The following SNRPB variants were observed in gnomAD, a reference collection of about 807,000 sequenced individuals.
SNRPB encodes small nuclear ribonucleoprotein-associated proteins B and B'.
A neutral mutation model predicts 26.6 loss-of-function variants in SNRPB; 5 were observed. That is an observed-to-expected ratio of 0.19 (90% confidence interval 0.10 to 0.39). The LOEUF (loss-of-function observed/expected upper bound fraction) is 0.39. Ranked by LOEUF, SNRPB falls within the 10% of genes least tolerant of loss-of-function variation. SNRPB has a pLI of 1.00. For synonymous variants in SNRPB, 122 were observed against 105.8 expected (o/e 1.15, Z -0.94); for missense variants, 211 against 311.9 (o/e 0.68, Z 2.44).
chr20:2,462,751 G>T lies in SNRPB; in HGVS notation c.570C>A (p.Gly190=). Residue 190 remains glycine, a synonymous_variant, in exon 6 of 7, where the codon GGC becomes GGA. Transcript: ENST00000381342. ...GRGAPPPGMM[G]PPPGMRPPMG... is the part of the protein sequence containing the mutation. Reference sequence around the variant, plus strand: ...TAGGAGGTCTCATACCAGGAGGTGGGCCCATCATGCCTGCAAGAGAAAAGC... The same window carrying T: ...TAGGAGGTCTCATACCAGGAGGTGGTCCCATCATGCCTGCAAGAGAAAAGC... 6.5e-7 allele frequency: 1 copy of T among 1,536,634 alleles called. No individual in the cohort carries two copies. Among genetic ancestry groups the T allele is most frequent in the Non-Finnish European group, 8.7e-7 (1 of 1,144,794 alleles).
chr20:2,464,824 C>G (rs1009470253), intron 3 of SNRPB, among the ~76,000 whole-genome samples: 2 of 150,740 alleles, frequency 1.3e-5, no homozygotes, highest in African/African-American at 4.9e-5. Context: ...AAGCCAAGAT[C>G]GTGCCACTGC....
intron 1 of SNRPB, 45 bp from the exon 2 acceptor site, chr20:2,467,803 C>G (rs2085084606): frequency 6.3e-7 from 1 of 1,591,718 alleles, no homozygotes; most frequent in African/African-American, 1.3e-5. Context: ...TCTTTTGGAC[C>G]CAAGCACCTC....
chr20:2,464,941 T>TGA lies in SNRPB; in HGVS notation c.267+766_267+767insTC, dbSNP rs1473726889. On this transcript the variant is annotated intron_variant, in intron 3 of 6. Coordinates refer to ENST00000381342, the MANE Select transcript of SNRPB (RefSeq NM_003091.4). Reference sequence around the variant, plus strand: ...AAGGGAAAACAAATTTGACTAGGTCTCTAAAGCCTGCTCTATTTCTATGTG... The same window carrying TGA: ...AAGGGAAAACAAATTTGACTAGGTCTGACTAAAGCCTGCTCTATTTCTATGTG... 9.4e-4 allele frequency among the ~76,000 whole-genome samples: 143 copies of TGA among 152,178 alleles called. 1 individual carries two copies. Among genetic ancestry groups the TGA allele is most frequent in the African/African-American group, 3.2e-3 (134 of 41,516 alleles).
chr20:2,470,578 C>T (rs1421849108), intron 1 of SNRPB, 110 bp downstream of exon 1: 12 of 1,411,656 alleles, frequency 8.5e-6, no homozygotes, highest in East Asian at 2.3e-5. Context: ...CGGCCCAGGC[C>T]TTCACCGCCC....
Position 2,463,877 on chromosome 20 carries a change from A to G in SNRPB, c.290T>C (p.Leu97Pro), listed in dbSNP as rs1599997142. Residue 97 changes from leucine (L) to proline (P), a missense_variant, in exon 4 of 7, where the codon CTT becomes CCT. Transcript: ENST00000381342. This position sits in a 1 kb window ranked among gnomAD's most constrained non-coding sequence, Gnocchi z 5.0. ...CCCTGGGCCCCCGGCAGCTCCAGCA[A>G]GTGGAACTCGAGCAATACCAGTCTG... The part of the protein sequence containing the change: ...PKDTGIARVP[L>P]AGAAGGPGIG... The G allele has an allele frequency of 6.2e-7, 1 of 1,613,638 alleles. No individual in the cohort carries two copies.
intron 2 of SNRPB, 169 bp downstream of exon 2, chr20:2,467,438 G>A: frequency 1.5e-6 from 1 of 662,210 alleles, no homozygotes; most frequent in Non-Finnish European, 2.6e-6. Flanking sequence ...AGGTTTGCTG[G>A]ACTCAAAAAG....
At position 2,463,749 on chromosome 20, in the gene SNRPB, GT is replaced by G; in HGVS notation, c.417del (p.Gln139HisfsTer3). 6.3e-7 allele frequency: 1 copy of G among 1,583,408 alleles called. No homozygotes were observed. The highest frequency in any genetic ancestry group is 8.6e-7 in the Non-Finnish European group (1 of 1,168,716). ...GPVRGVGGPSQQVMTPQGRGT... is the reference protein window; with the variant it reads ...GPVRGVGGPSXQVMTPQGRGT... ...GTACCCTTTCCCCAACTCCTCACCT[GT>G]TGGGATGGCCCGCCAACCCCACGGA... is the stretch of plus-strand genomic sequence containing the variant. On this transcript the variant is annotated frameshift_variant, in exon 4 of 7. Transcript: ENST00000381342. LOFTEE classifies it high-confidence loss of function. This position sits in a 1 kb window ranked among gnomAD's most constrained non-coding sequence, Gnocchi z 5.0.
chr20:2,463,698 T>C lies in SNRPB; in HGVS notation c.420+49A>G. ...TTAAAACTATGGACCCTCCCCTTTA[T>C]CCTTTATTTTAGCCACCAGGAGGTG... is the stretch of plus-strand genomic sequence containing the variant. On this transcript the variant is annotated intron_variant, in intron 4 of 6. Transcript: ENST00000381342. This position sits in a 1 kb window ranked among gnomAD's most constrained non-coding sequence, Gnocchi z 5.0. The C allele has an allele frequency of 2.1e-6, 3 of 1,402,476 alleles. No homozygotes were observed. The highest frequency in any genetic ancestry group is 1.9e-6 in the Non-Finnish European group (2 of 1,029,694). The allele number at this position is 1,402,476 out of a possible 1,614,324, so 86.9% of individuals were successfully genotyped here. A position where few individuals can be genotyped will look rare whatever the true frequency, so the allele number is the denominator to read the frequency against.
chr20:2,466,271 C>T (rs1410642024), intron 2 of SNRPB, among the ~76,000 whole-genome samples: 2 of 152,204 alleles, frequency 1.3e-5, no homozygotes, highest in Non-Finnish European at 2.9e-5. Flanking sequence ...GCCTATAATT[C>T]TGCCCCTCAT....
In SNRPB at chr20:2,467,717, G is replaced by A. The variant is rs1420859958; in HGVS notation, c.45C>T (p.Tyr15=). The A allele has an allele frequency of 6.2e-7, 1 of 1,614,082 alleles. No homozygotes were observed. Among genetic ancestry groups the A allele is most frequent in the South Asian group, 1.1e-5 (1 of 91,072 alleles). Residue 15 remains tyrosine, a synonymous_variant, in exon 2 of 7, where the codon TAC becomes TAT. Coordinates refer to ENST00000381342, the MANE Select transcript of SNRPB (RefSeq NM_003091.4). ...CGTCCTGCAGGATGCACCTCATCCT[G>A]TAATCAATATGCTGCAGCATCTTGC... The part of the protein sequence containing the change: ...KSSKMLQHID[Y]RMRCILQDGR...
rs1301144516 is a variant in SNRPB at position 2,470,719 on chromosome 20, GC to G, written c.-30del. Reference sequence around the variant, plus strand: ...GGCGGTTCTGATGGCTCTGATACCCGCCGGATTCGCCTCCTCAGAGGCCTAG... The same window carrying G: ...GGCGGTTCTGATGGCTCTGATACCCGCGGATTCGCCTCCTCAGAGGCCTAG... On this transcript the variant is annotated 5_prime_UTR_variant, in exon 1 of 7. Coordinates refer to ENST00000381342, the MANE Select transcript of SNRPB (RefSeq NM_003091.4). 1.9e-6 allele frequency: 3 copies of G among 1,612,286 alleles called. No individual in the cohort carries two copies. The highest frequency in any genetic ancestry group is 2.5e-6 in the Non-Finnish European group (3 of 1,179,830).
At position 2,470,780 on chromosome 20, in the gene SNRPB, C is replaced by G. The variant is rs1047959192; in HGVS notation, c.-90G>C. On this transcript the variant is annotated 5_prime_UTR_variant, in exon 1 of 7. Coordinates refer to ENST00000381342, the MANE Select transcript of SNRPB (RefSeq NM_003091.4). Reference sequence around the variant, plus strand: ...CACAGCCGATTTCCCGCCGCCGCTACCGGAAATGCAGCACCACGTAAAATG... The same window carrying G: ...CACAGCCGATTTCCCGCCGCCGCTAGCGGAAATGCAGCACCACGTAAAATG... 1.3e-6 allele frequency: 2 copies of G among 1,512,696 alleles called. No homozygotes were observed. The highest frequency in any genetic ancestry group is 2.7e-5 in the African/African-American group (2 of 73,044). 93.7% of individuals were successfully genotyped at this position (1,512,696 alleles called of 1,614,324 possible).
intron 1 of SNRPB, among the ~76,000 whole-genome samples, 181 bp downstream of exon 1, chr20:2,470,507 C>A (rs2085106977): frequency 1.3e-5 from 2 of 152,234 alleles, no homozygotes; most frequent in African/African-American, 4.8e-5. Context: ...ACCTTTTCCT[C>A]GACCCCATGC....
chr20:2,461,970 C>T (rs1189730771), intron 6 of SNRPB, 31 bp from the exon 7 acceptor site: 1 of 1,550,192 alleles, frequency 6.5e-7, no homozygotes. Flanking sequence ...TTAGTCAGTG[C>T]CTGATCTGCA....
rs8124999 is a variant in SNRPB at position 2,465,723 on chromosome 20, T to A, written c.252A>T (p.Gly84=). Residue 84 remains glycine, a synonymous_variant, in exon 3 of 7, where the codon GGA becomes GGT. Coordinates refer to ENST00000381342, the MANE Select transcript of SNRPB (RefSeq NM_003091.4). ...TCTGACTTACATCTTTGGGAGGAGG[T>A]CCCTCTACTGTCATTGAGACCAGAT... ...GENLVSMTVE[G]PPPKDTGIAR... 3.7e-3 allele frequency: 5,945 copies of A among 1,611,242 alleles called. 201 individuals are homozygous for A. In the African/African-American group the frequency reaches 0.071, roughly 19 times the overall value.
In SNRPB at chr20:2,463,759, C is replaced by G. The variant is rs558031167; in HGVS notation, c.408G>C (p.Gly136=). The G allele has an allele frequency of 1.9e-6, 3 of 1,586,718 alleles. No individual in the cohort carries two copies. In the African/African-American group the frequency reaches 4.1e-5, roughly 22 times the overall value. ...GLAGPVRGVG[G]PSQQVMTPQG... The stretch of plus-strand genomic sequence containing the variant: ...CCCAACTCCTCACCTGTTGGGATGG[C>G]CCGCCAACCCCACGGACTGGCCCAG... The change falls in exon 4 of 7, where the codon GGG becomes GGC. Residue 136 remains glycine, a synonymous_variant. Transcript: ENST00000381342. The surrounding 1 kb of genome is among the most constrained non-coding windows in gnomAD (Gnocchi z 5.0).
chr20:2,463,058 A>G lies in SNRPB; in HGVS notation c.559+31T>C. 1 of 1,517,174 alleles carries G rather than the reference A, an allele frequency of 6.6e-7. No homozygotes were observed. The highest frequency in any genetic ancestry group is 8.8e-7 in the Non-Finnish European group (1 of 1,132,244). 94.0% of individuals were successfully genotyped at this position (1,517,174 alleles called of 1,614,324 possible). A position where few individuals can be genotyped will look rare whatever the true frequency, so the allele number is the denominator to read the frequency against. ...AATCCAGCTAAGGCATCTTCTATCA[A>G]TTAGCACTGGTCTCCTTATGGGCTC... On this transcript the variant is annotated intron_variant, in intron 5 of 6. Coordinates refer to ENST00000381342, the MANE Select transcript of SNRPB (RefSeq NM_003091.4). The surrounding 1 kb of genome is among the most constrained non-coding windows in gnomAD (Gnocchi z 5.0).
intron 3 of SNRPB, 72 bp downstream of exon 3, chr20:2,465,636 A>G: frequency 9.7e-7 from 1 of 1,028,358 alleles, no homozygotes; most frequent in Non-Finnish European, 1.5e-6. Context: ...CTGCAATGAA[A>G]CAGAATCTAA....
chr20:2,464,120 C>T (rs1324560839), intron 3 of SNRPB, among the ~76,000 whole-genome samples: 1 of 152,168 alleles, frequency 6.6e-6, no homozygotes, highest in African/African-American at 2.4e-5. Flanking sequence ...TCTAGAGAAA[C>T]ATGCCACAAC....
Sources: gnomAD v4.1 joint callset for allele counts (sites outside exome capture counted in the v4.1 genomes callset) on GRCh38, gnomAD v4.1.1 for gene constraint, Gnocchi (gnomAD v3.1) non-coding constraint, MANE v1.5 for transcripts, NCBI Gene and HGNC (gene_info 2026-07-23, HGNC 2026-07-21) for gene names.